ZNF536: variants seen among roughly 807,000 people sequenced by gnomAD.
The protein encoded by ZNF536 is zinc finger protein 536.
Under a neutral mutation model 84.5 loss-of-function variants are expected in ZNF536, and 13 were observed. The observed-to-expected ratio is 0.15, with a 90% CI of 0.10 to 0.24. The LOEUF is 0.24. ZNF536 is among the 10% of genes least tolerant of loss of function. ZNF536 has a pLI of 1.00. For missense variants in ZNF536, 1,536 were observed against 1,747.5 expected, an observed-to-expected ratio of 0.88 and a Z score of 2.16; for synonymous variants, 811 against 742.5, an observed-to-expected ratio of 1.09 and a Z score of -1.50.
intron 2 of ZNF536, among the ~76,000 whole-genome samples, chr19:30,475,691 C>A (rs1267603569): frequency 6.6e-6 from 1 of 152,162 alleles, no homozygotes; most frequent in Non-Finnish European, 1.5e-5. Context: ...GGCTCCCCAG[C>A]CCCTTCTCCA....
chr19:30,544,172 C>T (rs759230269), intron 3 of ZNF536, among the ~76,000 whole-genome samples: 30 of 152,170 alleles, frequency 2.0e-4, no homozygotes, highest in Non-Finnish European at 3.4e-4. Context: ...CTGGGATGAT[C>T]GGAAGAAACC....
chr19:30,243,075 A>G (rs1037101296), intron 1 of ZNF536, among the ~76,000 whole-genome samples: 1 of 152,226 alleles, frequency 6.6e-6, no homozygotes, highest in African/African-American at 2.4e-5. Flanking sequence ...GACTTTTATT[A>G]CACTTTTGGA....
At chr19:30,479,472 C>T (rs2053983162) in intron 2 of ZNF536, among the ~76,000 whole-genome samples, 1 of 152,230 alleles carries the variant, frequency 6.6e-6, no homozygotes, top group South Asian at 2.1e-4. Flanking sequence ...TGGAAGGAGA[C>T]AGGAATTGCT....
intron 1 of ZNF536, among the ~76,000 whole-genome samples, chr19:30,634,025 G>T (rs908218680): frequency 6.6e-6 from 1 of 152,210 alleles, no homozygotes; most frequent in Non-Finnish European, 1.5e-5. Flanking sequence ...AAGTGACACT[G>T]CCCCTGCCCC....
At chr19:30,527,544 A>G (rs1172476256) in intron 2 of ZNF536, among the ~76,000 whole-genome samples, 3 of 152,020 alleles carry the variant, frequency 2.0e-5, no homozygotes, top group Non-Finnish European at 4.4e-5. Flanking sequence ...AGAATACTTA[A>G]CTGTTTAACA....
chr19:30,637,196 A>G (rs1033903990), intron 1 of ZNF536, among the ~76,000 whole-genome samples: 3 of 152,180 alleles, frequency 2.0e-5, no homozygotes, highest in Non-Finnish European at 4.4e-5. Context: ...AATATTCTTC[A>G]TGTCTTCCAG....
chr19:30,306,035 G>A (rs777239756), intron 2 of ZNF536, among the ~76,000 whole-genome samples: 2 of 152,152 alleles, frequency 1.3e-5, no homozygotes, highest in South Asian at 2.1e-4. Context: ...ACTGACAAAT[G>A]TTCACATTAT....
chr19:30,264,395 C>CTG lies in ZNF536; in HGVS notation c.-189-19653_-189-19652dup, dbSNP rs66665013. On this transcript the variant is annotated intron_variant, in intron 1 of 5. Coordinates refer to the ZNF536 transcript ENST00000585628. Reference sequence around the variant, plus strand: ...GCCCCCGCCCCCCGCAGTTGTGCCTCTGTGTGTGTGTGTGTGTGTGTGTGT... The same window carrying CTG: ...GCCCCCGCCCCCCGCAGTTGTGCCTCTGTGTGTGTGTGTGTGTGTGTGTGTGT... Among the ~76,000 whole-genome samples the CTG allele has an allele frequency of 8.4e-3, 1,042 of 124,634 alleles. 7 individuals are homozygous for CTG. Among genetic ancestry groups the CTG allele is most frequent in the Middle Eastern group, 0.017 (4 of 236 alleles). The allele number at this position is 124,634 out of a possible 152,430, so 81.8% of individuals were successfully genotyped here.
intron 1 of ZNF536, among the ~76,000 whole-genome samples, chr19:30,413,142 T>A (rs1338628992): frequency 1.3e-5 from 2 of 152,180 alleles, no homozygotes; most frequent in Non-Finnish European, 2.9e-5. Context: ...ATTTTCTTGG[T>A]CTTTTCAAAG....
At chr19:30,347,896 C>A (rs765402060) in intron 2 of ZNF536, among the ~76,000 whole-genome samples, 1 of 152,176 alleles carries the variant, frequency 6.6e-6, no homozygotes, top group Non-Finnish European at 1.5e-5. Flanking sequence ...GGTGACCAAA[C>A]CCCTAAACAG....
At chr19:30,585,562 C>G (rs1411946763) in intron 1 of ZNF536, among the ~76,000 whole-genome samples, 1 of 152,214 alleles carries the variant, frequency 6.6e-6, no homozygotes, top group South Asian at 2.1e-4. Context: ...AAGTGGTTCT[C>G]TCATCCAGGG....
chr19:30,582,977 T>C (rs57126441), intron 1 of ZNF536, among the ~76,000 whole-genome samples: 10,861 of 152,172 alleles, frequency 0.071, 1,107 homozygotes, highest in African/African-American at 0.22. Context: ...TTACTCAGAC[T>C]GGTCCTGAAC....
chr19:30,702,964 G>A (rs980735598), intron 1 of ZNF536, among the ~76,000 whole-genome samples: 5 of 152,206 alleles, frequency 3.3e-5, no homozygotes, highest in African/African-American at 9.6e-5. Context: ...GAAGACAGCC[G>A]TGATTGTTTT....
In ZNF536 at chr19:30,308,811, A is replaced by G. The variant is rs1025625318; in HGVS notation, c.-120+24670A>G. Among the ~76,000 whole-genome samples the G allele has an allele frequency of 1.6e-4, 24 of 152,310 alleles. 1 individual carries two copies. The highest frequency in any genetic ancestry group is 5.5e-4 in the African/African-American group (23 of 41,560). ...GTTTTGTGCGGTCTCACTCTAGGCT[A>G]TGTTCCCAAGTGGAGCACCATGATT... On this transcript the variant is annotated intron_variant, in intron 2 of 5. Transcript: ENST00000585628.
intron 3 of ZNF536, among the ~76,000 whole-genome samples, chr19:30,544,522 A>C (rs1445971875): frequency 6.6e-6 from 1 of 152,050 alleles, no homozygotes; most frequent in Non-Finnish European, 1.5e-5. Flanking sequence ...CTTCCTGTGC[A>C]CTCGCATGCT....
At chr19:30,403,674 A>T (rs903342803) in intron 1 of ZNF536, among the ~76,000 whole-genome samples, 2 of 152,220 alleles carry the variant, frequency 1.3e-5, no homozygotes, top group South Asian at 4.1e-4. Context: ...AAGAAGACCC[A>T]CTTGCTGTCT....
At position 30,264,395 on chromosome 19, in the gene ZNF536, CTGTGTG is replaced by C. The variant is rs66665013; in HGVS notation, c.-189-19657_-189-19652del. The stretch of plus-strand genomic sequence containing the variant: ...GCCCCCGCCCCCCGCAGTTGTGCCT[CTGTGTG>C]TGTGTGTGTGTGTGTGTGTATGTGT... On this transcript the variant is annotated intron_variant, in intron 1 of 5. Coordinates refer to the ZNF536 transcript ENST00000585628. 5.8e-3 allele frequency among the ~76,000 whole-genome samples: 718 copies of C among 124,608 alleles called. 2 individuals carry two copies. The highest frequency in any genetic ancestry group is 0.017 in the African/African-American group (644 of 37,234). 81.7% of individuals were successfully genotyped at this position (124,608 alleles called of 152,430 possible).
At chr19:30,271,293 T>G (rs1406344588) in intron 1 of ZNF536, among the ~76,000 whole-genome samples, 3 of 126,660 alleles carry the variant, frequency 2.4e-5, no homozygotes, top group Non-Finnish European at 4.9e-5. Context: ...TGTGTTTTTT[T>G]CTTTTCTTTT....
intron 1 of ZNF536, among the ~76,000 whole-genome samples, chr19:30,673,360 G>T (rs1054022047): frequency 3.9e-5 from 6 of 152,054 alleles, no homozygotes; most frequent in Non-Finnish European, 8.8e-5. Context: ...AATTTTTTCA[G>T]TTCATCTTCA....
Sources: allele counts gnomAD v4.1 joint callset (sites outside exome capture counted in the v4.1 genomes callset), GRCh38; gene constraint gnomAD v4.1.1; transcripts MANE v1.5; gene names NCBI Gene and HGNC (gene_info 2026-07-23, HGNC 2026-07-21).